ERN1: variants seen among roughly 807,000 people sequenced by gnomAD.
ERN1 encodes the protein endoplasmic reticulum to nucleus signaling 1.
Under a neutral mutation model 113.1 loss-of-function variants are expected in ERN1, and 39 were observed. The observed-to-expected ratio is 0.34, with a 90% CI of 0.27 to 0.45. ERN1 has a LOEUF of 0.45. ERN1 is among the 20% of genes least tolerant of loss of function. The probability of loss-of-function intolerance (pLI) is 1.00; values close to 1 mark genes in which losing one functional copy is unlikely to be tolerated. For synonymous variants in ERN1, 507 were observed against 515.9 expected (o/e 0.98, Z 0.23); for missense variants, 976 against 1,274.8 (o/e 0.77, Z 3.57).
chr17:64,076,380 G>A (rs1020292809), intron 4 of ERN1, among the ~76,000 whole-genome samples: 3 of 152,170 alleles, frequency 2.0e-5, no homozygotes, highest in African/African-American at 7.2e-5. Flanking sequence ...CCAAGCCTCA[G>A]AGGAGGAAAA....
intron 1 of ERN1, among the ~76,000 whole-genome samples, chr17:64,116,121 A>G (rs1914796639): frequency 6.6e-6 from 1 of 152,236 alleles, no homozygotes; most frequent in African/African-American, 2.4e-5. Context: ...AAGAAATACC[A>G]TGAAAATCAA....
intron 1 of ERN1, among the ~76,000 whole-genome samples, chr17:64,124,251 G>C (rs1915023525): frequency 6.6e-6 from 1 of 152,168 alleles, no homozygotes; most frequent in Non-Finnish European, 1.5e-5. Flanking sequence ...CTCTTTCCTA[G>C]ATATATGCCC....
intron 1 of ERN1, among the ~76,000 whole-genome samples, chr17:64,127,305 T>C (rs1915105805): frequency 1.3e-5 from 2 of 152,208 alleles, no homozygotes; most frequent in Non-Finnish European, 2.9e-5. Flanking sequence ...TGCAGAGGCA[T>C]AGTATAACAT....
At chr17:64,059,741 G>T (rs1337135098) in intron 11 of ERN1, among the ~76,000 whole-genome samples, 1 of 151,808 alleles carries the variant, frequency 6.6e-6, no homozygotes, top group African/African-American at 2.4e-5. Context: ...CTCTCCTCTG[G>T]CTTTAGGCCA....
In ERN1 at chr17:64,054,126, G is replaced by T; in HGVS notation, c.1953+124C>A. The T allele has an allele frequency of 1.2e-6, 1 of 867,520 alleles. No individual in the cohort carries two copies. The highest frequency in any genetic ancestry group is 2.8e-5 in the Admixed American group (1 of 36,220). The allele number at this position is 867,520 out of a possible 1,614,324, so 53.7% of individuals were successfully genotyped here. The stretch of plus-strand genomic sequence containing the variant: ...GGCTAATTTTTGGTTTCTTTGTAGA[G>T]ATGGGGTTTCACCATGTTGTCCAGG... On this transcript the variant is annotated intron_variant, in intron 15 of 21. Coordinates refer to ENST00000433197, the MANE Select transcript of ERN1 (RefSeq NM_001433.5). This position sits in a 1 kb window ranked among gnomAD's most constrained non-coding sequence, Gnocchi z 4.9.
chr17:64,055,104 G>A (rs1055135494), intron 13 of ERN1, among the ~76,000 whole-genome samples: 3 of 152,190 alleles, frequency 2.0e-5, no homozygotes, highest in East Asian at 1.9e-4. Context: ...TCTCCATAGC[G>A]TTTCACACAC....
chr17:64,125,905 A>G (rs576407217), intron 1 of ERN1, among the ~76,000 whole-genome samples: 3 of 152,340 alleles, frequency 2.0e-5, no homozygotes, highest in Admixed American at 1.3e-4. Context: ...TTCTGTGGGG[A>G]AAAAGTGAAC....
intron 1 of ERN1, among the ~76,000 whole-genome samples, chr17:64,101,405 G>A (rs1046474565): frequency 1.3e-5 from 2 of 151,318 alleles, no homozygotes; most frequent in Non-Finnish European, 2.9e-5. Context: ...GCGAGGCTCT[G>A]TCTCCAAAAA....
At chr17:64,060,612 G>A (rs769183389) in intron 10 of ERN1, 25 bp from the exon 11 acceptor site, 7 of 1,548,368 alleles carry the variant, frequency 4.5e-6, no homozygotes, top group Admixed American at 1.7e-5. Flanking sequence ...AAAACCTTTA[G>A]TGAGAACAAT....
At chr17:64,077,604 G>A (rs910986485) in intron 4 of ERN1, among the ~76,000 whole-genome samples, 6 of 152,142 alleles carry the variant, frequency 3.9e-5, no homozygotes, top group African/African-American at 1.4e-4. Flanking sequence ...GTCATAGACT[G>A]TTGGTCCTCA....
chr17:64,067,044 A>T, intron 7 of ERN1, 112 bp from the exon 8 acceptor site: 1 of 1,169,794 alleles, frequency 8.5e-7, no homozygotes, highest in South Asian at 1.5e-5. Context: ...AGACTTCTGG[A>T]ATATTCTCAG....
chr17:64,073,334 AATTT>A (rs1913485626), intron 5 of ERN1, among the ~76,000 whole-genome samples: 1 of 134,382 alleles, frequency 7.4e-6, no homozygotes, highest in Non-Finnish European at 1.6e-5. Context: ...ACACCCAGCA[AATTT>A]TTTTTTTTTT....
intron 2 of ERN1, among the ~76,000 whole-genome samples, chr17:64,084,223 C>T (rs1913855589): frequency 6.6e-6 from 1 of 152,130 alleles, no homozygotes; most frequent in African/African-American, 2.4e-5. Context: ...ATTAACAGTA[C>T]CACCATTCTC....
chr17:64,125,757 G>A (rs531846781), intron 1 of ERN1, among the ~76,000 whole-genome samples: 2 of 152,280 alleles, frequency 1.3e-5, no homozygotes, highest in South Asian at 2.1e-4. Flanking sequence ...CTAAAGTGCT[G>A]GGATTACAGG....
intron 1 of ERN1, chr17:64,129,356 G>A (rs1232797172): frequency 6.5e-6 from 1 of 154,484 alleles, no homozygotes; most frequent in Non-Finnish European, 1.4e-5. Context: ...CTTGCTCAAG[G>A]AAGTCTCGGT....
chr17:64,077,686 ATT>A (rs1913637482), intron 4 of ERN1, among the ~76,000 whole-genome samples: 1 of 151,558 alleles, frequency 6.6e-6, no homozygotes, highest in South Asian at 2.1e-4. Flanking sequence ...CCCTCTGCTT[ATT>A]ATAAATGGTG....
intron 1 of ERN1, among the ~76,000 whole-genome samples, chr17:64,105,550 T>C (rs1477524880): frequency 6.6e-6 from 1 of 152,194 alleles, no homozygotes; most frequent in African/African-American, 2.4e-5. Context: ...ATGTCTAGAA[T>C]TTGTTCAGAG....
At chr17:64,079,227 A>T (rs1405567149) in intron 4 of ERN1, among the ~76,000 whole-genome samples, 1 of 152,188 alleles carries the variant, frequency 6.6e-6, no homozygotes, top group African/African-American at 2.4e-5. Flanking sequence ...TGTATAATTA[A>T]GGCTGAAAAC....
intron 9 of ERN1, among the ~76,000 whole-genome samples, chr17:64,064,775 A>G (rs1028398466): frequency 1.3e-5 from 2 of 152,232 alleles, no homozygotes; most frequent in Non-Finnish European, 2.9e-5. Flanking sequence ...AAGGAAGAAG[A>G]AAGGGCATTT....
Sources: allele counts gnomAD v4.1 joint callset (sites outside exome capture counted in the v4.1 genomes callset), GRCh38; gene constraint gnomAD v4.1.1; non-coding constraint Gnocchi (gnomAD v3.1); transcripts MANE v1.5; gene names NCBI Gene and HGNC (gene_info 2026-07-23, HGNC 2026-07-21).